CYGB: variants seen among roughly 807,000 people sequenced by gnomAD.
CYGB encodes histoglobin.
A neutral mutation model predicts 20.7 loss-of-function variants in CYGB; 13 were observed. The ratio of observed to expected loss-of-function variants is 0.63; its 90% CI spans 0.41 to 1.00. The LOEUF (loss-of-function observed/expected upper bound fraction) is 1.00, where lower values mean the gene tolerates loss of function less well. Among genes scored for constraint, CYGB ranks in the 50% least tolerant of loss-of-function variants. The pLI is 0.00. For missense variants in CYGB, 218 were observed against 257.2 expected, an observed-to-expected ratio of 0.85 and a Z score of 1.04; for synonymous variants, 93 against 107.4, an observed-to-expected ratio of 0.87 and a Z score of 0.83.
intron 1 of CYGB, among the ~76,000 whole-genome samples, chr17:76,549,695 G>A (rs1234517356): frequency 1.3e-5 from 2 of 152,238 alleles, no homozygotes; most frequent in African/African-American, 2.4e-5. Flanking sequence ...CGTGGGAACA[G>A]ATAAACACAC....
chr17:76,540,272 T>TGGGGGGG, upstream of CYGB: 1 of 608,210 alleles, frequency 1.6e-6, no homozygotes, highest in Non-Finnish European at 2.7e-6. The surrounding 1 kb of genome is among the most constrained non-coding windows in gnomAD (Gnocchi z 5.0). Flanking sequence ...GGCATGGGGC[T>TGGGGGGG]GGGCTGCCAC....
intron 1 of CYGB, among the ~76,000 whole-genome samples, chr17:76,532,620 C>T (rs1490737475): frequency 6.6e-6 from 1 of 151,638 alleles, no homozygotes; most frequent in African/African-American, 2.4e-5. Flanking sequence ...CAACCTCTGC[C>T]TCCTGGGTTC....
In CYGB at chr17:76,534,170, CTCTCTCTT is replaced by C. The variant is rs1446550219; in HGVS notation, c.144-2487_144-2480del. ...TTTCTCTCTCTCTCTCTCTCTCTCT[CTCTCTCTT>C]TCTTTCTTTCTTTCTTGAGACAGAA... is the stretch of plus-strand genomic sequence containing the variant. On this transcript the variant is annotated intron_variant, in intron 1 of 3. Coordinates refer to ENST00000293230, the MANE Select transcript of CYGB (RefSeq NM_134268.5). Among the ~76,000 whole-genome samples the C allele has an allele frequency of 4.8e-3, 701 of 145,012 alleles. 4 individuals are homozygous for C. Among genetic ancestry groups the C allele is most frequent in the African/African-American group, 0.017 (655 of 37,820 alleles).
intron 3 of CYGB, chr17:76,529,771 T>G (rs2074813146): frequency 1.0e-6 from 1 of 985,210 alleles, no homozygotes; most frequent in African/African-American, 1.7e-5. Flanking sequence ...TGCCCTCCTC[T>G]GGTGGGCCAA....
chr17:76,542,141 C>T (rs1182089719), upstream of CYGB, among the ~76,000 whole-genome samples: 4 of 152,150 alleles, frequency 2.6e-5, no homozygotes, highest in African/African-American at 7.2e-5. Flanking sequence ...GTGGCTAATG[C>T]GGGATGCTCA....
chr17:76,531,292 T>A lies in CYGB; in HGVS notation c.376-150A>T. 1 of 1,210,532 alleles carries A rather than the reference T, an allele frequency of 8.3e-7. No homozygotes were observed. Among genetic ancestry groups the A allele is most frequent in the South Asian group, 1.5e-5 (1 of 67,550 alleles). 75.0% of individuals were successfully genotyped at this position (1,210,532 alleles called of 1,614,324 possible). On this transcript the variant is annotated intron_variant, in intron 2 of 3. Coordinates refer to ENST00000293230, the MANE Select transcript of CYGB (RefSeq NM_134268.5). The surrounding 1 kb of genome is among the most constrained non-coding windows in gnomAD (Gnocchi z 7.4). ...GAACCCCGTGCTCTCAGGACAAGGGTTGCCCTGGACCCAGCCCCTCCATCC... is the reference window on the plus strand; with the variant it reads ...GAACCCCGTGCTCTCAGGACAAGGGATGCCCTGGACCCAGCCCCTCCATCC...
upstream of CYGB, chr17:76,540,585 G>A: frequency 1.2e-6 from 2 of 1,612,906 alleles, no homozygotes; most frequent in Non-Finnish European, 1.7e-6. The surrounding 1 kb of genome is among the most constrained non-coding windows in gnomAD (Gnocchi z 5.0). Context: ...TAAGGCAGGA[G>A]TCTGGGCTGG....
Position 76,528,167 on chromosome 17 carries a change from T to G in CYGB, c.*411A>C. 1 of 392,892 alleles carries G rather than the reference T, an allele frequency of 2.5e-6. No individual in the cohort carries two copies. The highest frequency in any genetic ancestry group is 4.5e-6 in the Non-Finnish European group (1 of 223,480). 24.3% of individuals were successfully genotyped at this position (392,892 alleles called of 1,614,324 possible). A position where few individuals can be genotyped will look rare whatever the true frequency, so the allele number is the denominator to read the frequency against. ...ATTTATATATAGCTCGTATATAGAA[T>G]ATATCTGTATATATGGTAGATGTGT... On this transcript the variant is annotated 3_prime_UTR_variant, in exon 4 of 4. Coordinates refer to ENST00000293230, the MANE Select transcript of CYGB (RefSeq NM_134268.5). This position sits in a 1 kb window ranked among gnomAD's most constrained non-coding sequence, Gnocchi z 5.8.
chr17:76,532,043 G>A (rs892723258), intron 1 of CYGB: 1 of 199,856 alleles, frequency 5.0e-6, no homozygotes, highest in African/African-American at 2.3e-5. Flanking sequence ...CTGGAATCAT[G>A]AGTTGATCTG....
chr17:76,537,270 C>T (rs912035033), intron 1 of CYGB, 130 bp downstream of exon 1: 4 of 1,108,744 alleles, frequency 3.6e-6, no homozygotes, highest in Non-Finnish European at 4.7e-6. Context: ...CCTGCTCCGC[C>T]GACCTCGGAC....
rs1341085604 is a variant in CYGB, at chr17:76,530,414, G to A, written c.539+565C>T. Reference sequence around the variant, plus strand: ...GCCCAGCCTCCAGGTCAGCCTGGAAGTAAACATGCCCCTGCTCGTGTGCGT... The same window carrying A: ...GCCCAGCCTCCAGGTCAGCCTGGAAATAAACATGCCCCTGCTCGTGTGCGT... On this transcript the variant is annotated intron_variant, in intron 3 of 3. Transcript: ENST00000293230. The surrounding 1 kb of genome is among the most constrained non-coding windows in gnomAD (Gnocchi z 6.1). Among the ~76,000 whole-genome samples, 2 of 152,206 alleles carry A rather than the reference G, an allele frequency of 1.3e-5. No homozygotes were observed. Among genetic ancestry groups the A allele is most frequent in the African/African-American group, 4.8e-5 (2 of 41,446 alleles).
chr17:76,537,476 C>G lies in CYGB; in HGVS notation c.67G>C (p.Glu23Gln), dbSNP rs2074931729. 1.3e-6 allele frequency: 2 copies of G among 1,593,772 alleles called. No homozygotes were observed. The highest frequency in any genetic ancestry group is 1.7e-6 in the Non-Finnish European group (2 of 1,170,886). Reference protein sequence around the residue: ...RERSEELSEAERKAVQAMWAR... With the variant: ...RERSEELSEAQRKAVQAMWAR... ...CACATAGCCTGCACCGCCTTCCTCT[C>G]CGCCTCGGACAGCTCCTCGCTCCGC... The change falls in exon 1 of 4, where the codon GAG (glutamate) becomes CAG (glutamine). Residue 23 changes from glutamate to glutamine, a missense_variant. Physicochemically the swap from Glu to Gln is conservative, Grantham distance 29. Around this residue, in one of 2 missense-constraint regions of CYGB, gnomAD observed 152 missense variants for 149.9 expected, o/e 1.01. Transcript: ENST00000293230.
chr17:76,539,124 G>A (rs190196012), upstream of CYGB, among the ~76,000 whole-genome samples: 289 of 152,166 alleles, frequency 1.9e-3, 3 homozygotes, highest in Non-Finnish European at 4.1e-4. Flanking sequence ...GTCTTGGAGG[G>A]GCTGGAGGGG....
intron 1 of CYGB, among the ~76,000 whole-genome samples, chr17:76,536,998 G>A (rs2074922424): frequency 6.6e-6 from 1 of 152,178 alleles, no homozygotes; most frequent in African/African-American, 2.4e-5. Context: ...TCTTTGTCCC[G>A]CTTCTTGGCT....
intron 3 of CYGB, chr17:76,529,203 A>G (rs915367417): frequency 4.1e-6 from 4 of 985,290 alleles, no homozygotes; most frequent in Non-Finnish European, 4.8e-6. Context: ...CCTCGAGCCC[A>G]TGGGGACCCT....
chr17:76,533,312 C>T lies in CYGB; in HGVS notation c.144-1621G>A, dbSNP rs9903722. Among the ~76,000 whole-genome samples, 28,268 of 152,130 alleles carry T rather than the reference C, an allele frequency of 0.19. 2,729 individuals carry two copies. Among genetic ancestry groups the T allele is most frequent in the South Asian group, 0.25 (1,206 of 4,828 alleles). ...ACACGGGTGAGGACACGTGAGGCGA[C>T]GGGTCTGAAAATACATTGAATTTTC... On this transcript the variant is annotated intron_variant, in intron 1 of 3. Coordinates refer to ENST00000293230, the MANE Select transcript of CYGB (RefSeq NM_134268.5). The surrounding 1 kb of genome is among the most constrained non-coding windows in gnomAD (Gnocchi z 4.5).
chr17:76,541,424 C>T (rs940021598), upstream of CYGB, among the ~76,000 whole-genome samples: 3 of 152,176 alleles, frequency 2.0e-5, no homozygotes, highest in Admixed American at 2.0e-4. Flanking sequence ...ACTCAGGTGG[C>T]GGGTACTGTG....
At chr17:76,540,268 G>A (rs2074974842), upstream of CYGB, 1 of 1,352,690 alleles carries the variant, frequency 7.4e-7, no homozygotes. The surrounding 1 kb of genome is among the most constrained non-coding windows in gnomAD (Gnocchi z 5.0). Flanking sequence ...GGGGGGCATG[G>A]GGCTGGGCTG....
chr17:76,542,462 T>G (rs1015729729), upstream of CYGB: 11 of 1,465,376 alleles, frequency 7.5e-6, no homozygotes, highest in Non-Finnish European at 1.1e-5. Context: ...TGGGGTGAAT[T>G]GATAGGGATG....
Sources: gnomAD v4.1 joint callset for allele counts (sites outside exome capture counted in the v4.1 genomes callset) on GRCh38, gnomAD v4.1.1 for gene constraint, gnomAD v4.1.1 regional missense constraint, Gnocchi (gnomAD v3.1) non-coding constraint, MANE v1.5 for transcripts, NCBI Gene and HGNC (gene_info 2026-07-23, HGNC 2026-07-21) for gene names.